CLRN2: variants seen among roughly 807,000 people sequenced by gnomAD.
CLRN2 encodes clarin 2.
A neutral mutation model predicts 20.1 loss-of-function variants in CLRN2; 17 were observed. The observed-to-expected ratio is 0.85, with a 90% CI of 0.58 to 1.27. The LOEUF (loss-of-function observed/expected upper bound fraction) is 1.27, where lower values mean the gene tolerates loss of function less well. Ranked by LOEUF, CLRN2 falls within the 50% of genes most tolerant of loss-of-function variation. The probability of loss-of-function intolerance (pLI) is 0.00; values close to 1 mark genes in which losing one functional copy is unlikely to be tolerated. For synonymous variants in CLRN2, 140 were observed against 126.9 expected (o/e 1.10, Z -0.70); for missense variants, 288 against 299.5 (o/e 0.96, Z 0.28).
rs1169695264 is a variant in CLRN2, at chr4:17,523,020, T to C, written c.410T>C (p.Ile137Thr). Residue 137 changes from isoleucine (I) to threonine (T), a missense_variant, in exon 2 of 3, where the codon ATC (isoleucine) becomes ACC (threonine). Ile to Thr is a moderately conservative substitution (Grantham distance 89, BLOSUM62 -1). Coordinates refer to ENST00000511148, the MANE Select transcript of CLRN2 (RefSeq NM_001079827.2). ...PYRAVSGPGGICLWNVLAGGV... is the reference protein window; with the variant it reads ...PYRAVSGPGGTCLWNVLAGGV... ...CGGGCAGTCAGCGGTCCTGGGGGCA[T>C]CTGCCTATGGAATGTCCTGGCAGGT... is the stretch of plus-strand genomic sequence containing the variant. The C allele has an allele frequency of 6.2e-7, 1 of 1,613,078 alleles. No homozygotes were observed. The highest frequency in any genetic ancestry group is 8.5e-7 in the Non-Finnish European group (1 of 1,179,734).
intron 1 of CLRN2, among the ~76,000 whole-genome samples, chr4:17,517,007 T>C (rs1046449224): frequency 6.6e-6 from 1 of 152,194 alleles, no homozygotes; most frequent in South Asian, 2.1e-4. Flanking sequence ...ATCCTCTTCA[T>C]CTTAGGGGAA....
In CLRN2 at chr4:17,522,854, G is replaced by A; in HGVS notation, c.254-10G>A. On this transcript the variant is annotated splice_polypyrimidine_tract_variant and intron_variant, in intron 1 of 2. Transcript: ENST00000511148. ...GACATTGAAATAGTGGCTGTGTCTT[G>A]TCTCCCCAGTCTTCCCACACCTGGT... is the stretch of plus-strand genomic sequence containing the variant. 2 of 1,610,690 alleles carry A rather than the reference G, an allele frequency of 1.2e-6. No homozygotes were observed. The highest frequency in any genetic ancestry group is 1.7e-6 in the Non-Finnish European group (2 of 1,177,662).
intron 2 of CLRN2, among the ~76,000 whole-genome samples, chr4:17,525,253 T>C (rs1333671713): frequency 6.6e-6 from 1 of 152,258 alleles, no homozygotes; most frequent in Non-Finnish European, 1.5e-5. Context: ...ACCTTATTTC[T>C]ATAATTTAGT....
chr4:17,520,565 G>A (rs529175427), intron 1 of CLRN2, among the ~76,000 whole-genome samples: 1 of 152,214 alleles, frequency 6.6e-6, no homozygotes, highest in African/African-American at 2.4e-5. Context: ...TGAGACTTGA[G>A]AGTGCCTCTT....
Position 17,515,581 on chromosome 4 carries a change from T to C in CLRN2, c.253+62T>C, listed in dbSNP as rs1164405629. 3 of 1,554,956 alleles carry C rather than the reference T, an allele frequency of 1.9e-6. No homozygotes were observed. The African/African-American group carries it at 4.1e-5, about 21-fold the overall frequency. On this transcript the variant is annotated intron_variant, in intron 1 of 2. Coordinates refer to ENST00000511148, the MANE Select transcript of CLRN2 (RefSeq NM_001079827.2). Reference sequence around the variant, plus strand: ...ACTCATTTTTGTTAATGTGTAAGAGTGCTTATGTCTCATTGTGGAATTTGG... The same window carrying C: ...ACTCATTTTTGTTAATGTGTAAGAGCGCTTATGTCTCATTGTGGAATTTGG...
At chr4:17,518,639 T>C (rs1318314374) in intron 1 of CLRN2, among the ~76,000 whole-genome samples, 4 of 152,008 alleles carry the variant, frequency 2.6e-5, no homozygotes, top group Non-Finnish European at 5.9e-5. Context: ...CAGGTGCCTG[T>C]AATCCCAGCT....
chr4:17,516,367 G>A (rs1368736631), intron 1 of CLRN2, among the ~76,000 whole-genome samples: 1 of 152,194 alleles, frequency 6.6e-6, no homozygotes, highest in African/African-American at 2.4e-5. Flanking sequence ...CAAGCCTTTT[G>A]AATCGATGAG....
chr4:17,515,618 A>G, intron 1 of CLRN2, 99 bp downstream of exon 1: 1 of 1,377,578 alleles, frequency 7.3e-7, no homozygotes, highest in Non-Finnish European at 9.9e-7. Context: ...TGCTGCCTCA[A>G]CGTCAGGCAT....
rs1711867818 is a variant in CLRN2 at position 17,522,933 on chromosome 4, C to G, written c.323C>G (p.Ala108Gly). The stretch of plus-strand genomic sequence containing the variant: ...ATGATTCTGCTGCTCCTCTTCCTGG[C>G]CTTGGCCCTGGCTCTGGTCAGCATG... The part of the protein sequence containing the change: ...HVMILLLLFL[A>G]LALALVSMGF... Residue 108 changes from alanine (A) to glycine (G), a missense_variant, in exon 2 of 3, where the codon GCC becomes GGC. Ala to Gly is a moderately conservative substitution (Grantham distance 60). Transcript: ENST00000511148. 2.5e-6 allele frequency: 4 copies of G among 1,614,028 alleles called. No homozygotes were observed. The highest frequency in any genetic ancestry group is 3.4e-6 in the Non-Finnish European group (4 of 1,179,900).
chr4:17,522,905 G>A lies in CLRN2; in HGVS notation c.295G>A (p.Val99Met). The change falls in exon 2 of 3, where the codon GTG (valine) becomes ATG (methionine). Residue 99 changes from valine (V) to methionine (M), a missense_variant. Coordinates refer to ENST00000511148, the MANE Select transcript of CLRN2 (RefSeq NM_001079827.2). Reference protein sequence around the residue: ...LVKELNAGLHVMILLLLFLAL... With the variant: ...LVKELNAGLHMMILLLLFLAL... ...GAAGGAGCTCAACGCAGGCCTTCATGTGATGATTCTGCTGCTCCTCTTCCT... is the reference window on the plus strand; with the variant it reads ...GAAGGAGCTCAACGCAGGCCTTCATATGATGATTCTGCTGCTCCTCTTCCT... 6.2e-7 allele frequency: 1 copy of A among 1,614,020 alleles called. No individual in the cohort carries two copies. Among genetic ancestry groups the A allele is most frequent in the African/African-American group, 1.3e-5 (1 of 75,052 alleles).
intron 2 of CLRN2, among the ~76,000 whole-genome samples, chr4:17,524,235 T>TGTGCGC (rs762042329): frequency 7.1e-6 from 1 of 139,966 alleles, no homozygotes; most frequent in Non-Finnish European, 1.6e-5. Context: ...TGTGTGTGTG[T>TGTGCGC]GCGCGCGCAT....
intron 1 of CLRN2, among the ~76,000 whole-genome samples, chr4:17,521,790 T>C (rs1339243832): frequency 6.6e-6 from 1 of 152,182 alleles, no homozygotes; most frequent in Non-Finnish European, 1.5e-5. Flanking sequence ...AGCTGAACCC[T>C]GATTAGCTGG....
rs771247379 is a variant in CLRN2 at position 17,522,969 on chromosome 4, T to C, written c.359T>C (p.Ile120Thr). ...GCTCTGGTCAGCATGGGCTTTGCCATTCTTAACATGATCCAGGTCCCGTAC... is the reference window on the plus strand; with the variant it reads ...GCTCTGGTCAGCATGGGCTTTGCCACTCTTAACATGATCCAGGTCCCGTAC... ...ALALVSMGFA[I>T]LNMIQVPYRA... is the part of the protein sequence containing the mutation. The change falls in exon 2 of 3, where the codon ATT becomes ACT. Residue 120 changes from isoleucine to threonine, a missense_variant. Ile to Thr is a moderately conservative substitution (Grantham distance 89). Coordinates refer to ENST00000511148, the MANE Select transcript of CLRN2 (RefSeq NM_001079827.2). 3 of 1,613,896 alleles carry C rather than the reference T, an allele frequency of 1.9e-6. No homozygotes were observed. In the African/African-American group the frequency reaches 4.0e-5, roughly 22 times the overall value.
At chr4:17,523,338 C>T (rs1181267738) in intron 2 of CLRN2, among the ~76,000 whole-genome samples, 1 of 151,998 alleles carries the variant, frequency 6.6e-6, no homozygotes. Flanking sequence ...CCTCAGGCCC[C>T]CAAGTAGCTG....
intron 1 of CLRN2, among the ~76,000 whole-genome samples, chr4:17,516,940 A>T (rs142555623): frequency 6.6e-6 from 1 of 152,244 alleles, no homozygotes; most frequent in African/African-American, 2.4e-5. Context: ...ATTAGCATGC[A>T]TAGGGGAAAA....
chr4:17,518,107 G>A (rs1234537516), intron 1 of CLRN2, among the ~76,000 whole-genome samples: 1 of 151,368 alleles, frequency 6.6e-6, no homozygotes, highest in African/African-American at 2.4e-5. Context: ...GTGTAGATGG[G>A]GACGTAAGTG....
At chr4:17,518,194 G>A (rs908134950) in intron 1 of CLRN2, among the ~76,000 whole-genome samples, 1 of 152,088 alleles carries the variant, frequency 6.6e-6, no homozygotes, top group South Asian at 2.1e-4. Context: ...CATCACAGAG[G>A]CCTCCCCAAA....
chr4:17,527,057 T>C lies in CLRN2; in HGVS notation c.674T>C (p.Val225Ala). ...AAGACCAAAATCGAAGAGGCCACGG[T>C]CACAGCTGAGGATATCTTGTATTAA... ...EIKTKIEEAT[V>A]TAEDILY The change falls in exon 3 of 3, where the codon GTC becomes GCC. Residue 225 changes from valine to alanine, a missense_variant. Transcript: ENST00000511148. 1 of 1,614,012 alleles carries C rather than the reference T, an allele frequency of 6.2e-7. No homozygotes were observed. Among genetic ancestry groups the C allele is most frequent in the Non-Finnish European group, 8.5e-7 (1 of 1,179,896 alleles).
chr4:17,517,077 C>G (rs950523101), intron 1 of CLRN2, among the ~76,000 whole-genome samples: 1 of 152,134 alleles, frequency 6.6e-6, no homozygotes, highest in Non-Finnish European at 1.5e-5. Context: ...TAGGGAAATT[C>G]AATGGGCTTA....
Sources: allele counts gnomAD v4.1 joint callset (sites outside exome capture counted in the v4.1 genomes callset), GRCh38; gene constraint gnomAD v4.1.1; transcripts MANE v1.5; gene names NCBI Gene and HGNC (gene_info 2026-07-23, HGNC 2026-07-21).